SBF2: variants seen among roughly 807,000 people sequenced by gnomAD.
SBF2 encodes SET binding factor 2, also known as myotubularin-related protein 13.
A neutral mutation model predicts 225.2 loss-of-function variants in SBF2; 112 were observed. The observed-to-expected ratio is 0.50, with a 90% CI of 0.43 to 0.58. The LOEUF (loss-of-function observed/expected upper bound fraction) is 0.58, where lower values mean the gene tolerates loss of function less well. Among genes scored for constraint, SBF2 ranks in the 20% least tolerant of loss-of-function variants. The pLI is 0.00. For missense variants in SBF2, 1,996 were observed against 2,206.2 expected (o/e 0.90, Z 1.91); for synonymous variants, 763 against 773.3 (o/e 0.99, Z 0.22).
intron 17 of SBF2, among the ~76,000 whole-genome samples, chr11:9,878,309 G>T (rs935739272): frequency 6.6e-6 from 1 of 152,130 alleles, no homozygotes; most frequent in African/African-American, 2.4e-5. Context: ...TGTCAGATGA[G>T]CAGATTGCAA....
At chr11:9,798,915 G>A (rs771995502) in intron 32 of SBF2, among the ~76,000 whole-genome samples, 9 of 143,406 alleles carry the variant, frequency 6.3e-5, no homozygotes, top group African/African-American at 2.1e-4. Context: ...TCGCGCCACC[G>A]CACTCCAGCC....
chr11:10,140,134 G>A, intron 2 of SBF2, among the ~76,000 whole-genome samples: 1 of 152,144 alleles, frequency 6.6e-6, no homozygotes, highest in Non-Finnish European at 1.5e-5. Context: ...AGGAGTGCCA[G>A]GACCATCTTT....
intron 13 of SBF2, among the ~76,000 whole-genome samples, chr11:9,987,250 G>A (rs11042582): frequency 0.52 from 79,414 of 151,878 alleles, 21,279 homozygotes; most frequent in Admixed American, 0.62. Flanking sequence ...GCTCTCAGCA[G>A]AACTGGCATA....
intron 28 of SBF2, among the ~76,000 whole-genome samples, chr11:9,825,770 A>T (rs548540924): frequency 9.9e-5 from 15 of 152,232 alleles, no homozygotes; most frequent in Non-Finnish European, 2.1e-4. Flanking sequence ...GTCACAGCAA[A>T]ATAACCATAA....
chr11:9,902,890 G>A (rs925546358), intron 16 of SBF2, among the ~76,000 whole-genome samples: 1 of 151,330 alleles, frequency 6.6e-6, no homozygotes, highest in Non-Finnish European at 1.5e-5. Context: ...GTATTATCAT[G>A]AAAGAAACAG....
At chr11:10,132,566 C>G (rs953852027) in intron 2 of SBF2, among the ~76,000 whole-genome samples, 1 of 148,096 alleles carries the variant, frequency 6.8e-6, no homozygotes, top group African/African-American at 2.5e-5. Flanking sequence ...TCGTTCCTCC[C>G]GGTGGGCTCG....
At chr11:10,251,375 TA>T (rs1960331037) in intron 1 of SBF2, among the ~76,000 whole-genome samples, 1 of 152,222 alleles carries the variant, frequency 6.6e-6, no homozygotes, top group African/African-American at 2.4e-5. Flanking sequence ...GATTCTACTG[TA>T]AAGGCTATGG....
chr11:10,270,590 T>G (rs1962390536), intron 1 of SBF2, among the ~76,000 whole-genome samples: 1 of 152,220 alleles, frequency 6.6e-6, no homozygotes, highest in Non-Finnish European at 1.5e-5. Context: ...CAAATCCATG[T>G]TGTTGAAGAG....
chr11:9,987,375 T>C (rs1947246879), intron 13 of SBF2, among the ~76,000 whole-genome samples: 1 of 152,058 alleles, frequency 6.6e-6, no homozygotes, highest in Non-Finnish European at 1.5e-5. Context: ...AAGTGCCCAC[T>C]CTCACCACTC....
intron 1 of SBF2, among the ~76,000 whole-genome samples, chr11:10,267,507 G>A (rs1480897953): frequency 6.6e-6 from 1 of 152,206 alleles, no homozygotes; most frequent in South Asian, 2.1e-4. Flanking sequence ...AGAGAAAGGA[G>A]TGTGGCAAGT....
chr11:10,302,042 ACTTC>A (rs746087859), intron 1 of SBF2, among the ~76,000 whole-genome samples: 1 of 149,546 alleles, frequency 6.7e-6, no homozygotes, highest in Non-Finnish European at 1.5e-5. Context: ...TTCTTCCTTC[ACTTC>A]CTTCCTTCCT....
At chr11:9,805,970 C>T (rs1853820184) in intron 32 of SBF2, among the ~76,000 whole-genome samples, 1 of 152,160 alleles carries the variant, frequency 6.6e-6, no homozygotes, top group South Asian at 2.1e-4. Flanking sequence ...ATGAACAAGA[C>T]TTGTGGTCTT....
At chr11:10,156,302 T>C (rs1263705089) in intron 2 of SBF2, among the ~76,000 whole-genome samples, 1 of 152,106 alleles carries the variant, frequency 6.6e-6, no homozygotes, top group Non-Finnish European at 1.5e-5. Context: ...CCAGCGAGCA[T>C]GGGAGGGTGG....
chr11:9,789,007 G>T, intron 35 of SBF2, 102 bp downstream of exon 35: 1 of 963,130 alleles, frequency 1.0e-6, no homozygotes, highest in Non-Finnish European at 1.7e-6. Context: ...CCCTAGCTCA[G>T]AGTAAGGAGA....
chr11:10,063,830 AACACACACACAC>A (rs140036479), intron 2 of SBF2, among the ~76,000 whole-genome samples: 18 of 140,150 alleles, frequency 1.3e-4, no homozygotes, highest in South Asian at 7.0e-4. Flanking sequence ...TCTAAAATAA[AACACACACACAC>A]ACACACACAC....
At chr11:9,781,449 G>GAGAC in intron 39 of SBF2, 58 bp downstream of exon 39, 1 of 1,606,134 alleles carries the variant, frequency 6.2e-7, no homozygotes. Context: ...ATCATTCTTG[G>GAGAC]AGACAGACAG....
chr11:9,910,508 T>A (rs996933835), intron 16 of SBF2, among the ~76,000 whole-genome samples: 3 of 152,096 alleles, frequency 2.0e-5, no homozygotes, highest in African/African-American at 7.2e-5. Context: ...CCAAGGCAAG[T>A]CCTTCAGTAG....
At chr11:9,867,556 T>C (rs1456249434) in intron 17 of SBF2, among the ~76,000 whole-genome samples, 1 of 152,158 alleles carries the variant, frequency 6.6e-6, no homozygotes, top group African/African-American at 2.4e-5. Context: ...AAAACTAGTA[T>C]ATCAAAGAGA....
At chr11:9,998,176 C>A (rs1364466264) in intron 9 of SBF2, 90 bp downstream of exon 9, 3 of 770,086 alleles carry the variant, frequency 3.9e-6, no homozygotes, top group Non-Finnish European at 6.7e-6. Context: ...ATTAAAGTAA[C>A]AAACTGCATT....
Sources: gnomAD v4.1 joint callset for allele counts (sites outside exome capture counted in the v4.1 genomes callset) on GRCh38, gnomAD v4.1.1 for gene constraint, MANE v1.5 for transcripts, NCBI Gene and HGNC (gene_info 2026-07-23, HGNC 2026-07-21) for gene names.